The following MAML3 variants were observed in gnomAD, a reference collection of about 807,000 sequenced individuals.
The protein encoded by MAML3 is mastermind like transcriptional coactivator 3, also known as mastermind-like protein 3.
MAML3 carries 27 observed loss-of-function variants against 101.9 expected under a neutral mutation model. The ratio of observed to expected loss-of-function variants is 0.27; its 90% CI spans 0.20 to 0.37. The LOEUF (loss-of-function observed/expected upper bound fraction) is 0.37, where lower values mean the gene tolerates loss of function less well. Among genes scored for constraint, MAML3 ranks in the 10% least tolerant of loss-of-function variants. The probability of loss-of-function intolerance (pLI) is 1.00; values close to 1 mark genes in which losing one functional copy is unlikely to be tolerated. For synonymous variants in MAML3, 501 were observed against 555.9 expected (o/e 0.90, Z 1.39); for missense variants, 1,316 against 1,444.9 (o/e 0.91, Z 1.45).
chr4:139,864,844 T>C (rs578152150), intron 2 of MAML3, among the ~76,000 whole-genome samples: 10 of 150,942 alleles, frequency 6.6e-5, no homozygotes, highest in African/African-American at 2.4e-4. Flanking sequence ...GAATCTCAAA[T>C]TCTCTGACTA....
In MAML3 at chr4:140,075,386, G is replaced by C. The variant is rs112285988; in HGVS notation, c.468+77474C>G. ...AAAAAAACAAGTTAACAAAATGCAA[G>C]TCTCTTGTGCTCTTAACATCAAAAT... is the stretch of plus-strand genomic sequence containing the variant. On this transcript the variant is annotated intron_variant, in intron 1 of 4. Transcript: ENST00000509479. Among the ~76,000 whole-genome samples, 654 of 152,248 alleles carry C rather than the reference G, an allele frequency of 4.3e-3. 6 individuals are homozygous for C. The highest frequency in any genetic ancestry group is 0.015 in the African/African-American group (633 of 41,538).
Position 139,720,275 on chromosome 4 carries a change from C to G in MAML3, c.2465G>C (p.Ser822Thr). The change falls in exon 5 of 5, where the codon AGC becomes ACC. Residue 822 changes from serine to threonine, a missense_variant. Ser to Thr is a moderately conservative substitution (Grantham distance 58). Transcript: ENST00000509479. ...AAVRSQAALQ[S>T]MRTSRLMAQN... ...TGCCATCAGCCGTGACGTTCGCATG[C>G]TCTGGAGGGCTGCTTGGCTTCTTAC... 1 of 1,572,032 alleles carries G rather than the reference C, an allele frequency of 6.4e-7. No individual in the cohort carries two copies. Among genetic ancestry groups the G allele is most frequent in the Non-Finnish European group, 8.6e-7 (1 of 1,156,196 alleles).
intron 1 of MAML3, among the ~76,000 whole-genome samples, chr4:139,943,836 T>C (rs1457672760): frequency 6.7e-6 from 1 of 149,276 alleles, no homozygotes; most frequent in African/African-American, 2.5e-5. Flanking sequence ...TATGGTAACT[T>C]AAGGTTGGGT....
chr4:139,882,433 G>GA (rs968057388), intron 2 of MAML3, among the ~76,000 whole-genome samples: 33 of 146,234 alleles, frequency 2.3e-4, no homozygotes, highest in Middle Eastern at 3.4e-3. Flanking sequence ...TTATCAGAGT[G>GA]AAAAAAAAAC....
chr4:139,929,970 C>T lies in MAML3; in HGVS notation c.469-39003G>A, dbSNP rs577501349. The stretch of plus-strand genomic sequence containing the variant: ...TGCCCCAGAGGGGAATGGGTCCTCA[C>T]TGAGTACTCCTGCATCCACCTGCTT... On this transcript the variant is annotated intron_variant, in intron 1 of 4. Coordinates refer to ENST00000509479, the MANE Select transcript of MAML3 (RefSeq NM_018717.5). Among the ~76,000 whole-genome samples, 3 of 152,274 alleles carry T rather than the reference C, an allele frequency of 2.0e-5. No homozygotes were observed. The East Asian group carries it at 5.8e-4, about 29-fold the overall frequency.
intron 1 of MAML3, among the ~76,000 whole-genome samples, chr4:139,959,072 G>A (rs74734739): frequency 2.5e-4 from 38 of 152,264 alleles, no homozygotes; most frequent in Non-Finnish European, 4.1e-4. Flanking sequence ...ATCAAGGAGC[G>A]TGGTCTTTTG....
chr4:139,928,779 C>T (rs569960798), intron 1 of MAML3, among the ~76,000 whole-genome samples: 55 of 152,020 alleles, frequency 3.6e-4, no homozygotes, highest in African/African-American at 1.3e-3. Flanking sequence ...TCTGGTGGGC[C>T]GTTGAGAGCC....
intron 2 of MAML3, among the ~76,000 whole-genome samples, chr4:139,742,786 G>A (rs932528276): frequency 2.0e-5 from 3 of 152,112 alleles, no homozygotes; most frequent in Non-Finnish European, 4.4e-5. Context: ...CAGTATAATT[G>A]CCCTTGGGAA....
intron 2 of MAML3, among the ~76,000 whole-genome samples, chr4:139,809,148 T>C (rs1730749381): frequency 6.6e-6 from 1 of 152,246 alleles, no homozygotes; most frequent in Non-Finnish European, 1.5e-5. Flanking sequence ...AGCTTGGGAT[T>C]AAACTGACAG....
At chr4:139,734,984 G>T (rs954250518) in intron 2 of MAML3, among the ~76,000 whole-genome samples, 1 of 152,350 alleles carries the variant, frequency 6.6e-6, no homozygotes, top group East Asian at 1.9e-4. Flanking sequence ...GCAGATGGTG[G>T]TGTCAGCCCG....
intron 2 of MAML3, among the ~76,000 whole-genome samples, chr4:139,841,526 CG>C (rs1553959847): frequency 6.6e-6 from 1 of 152,226 alleles, no homozygotes; most frequent in Non-Finnish European, 1.5e-5. Flanking sequence ...GCTTCACTAT[CG>C]GCGCTGACGC....
chr4:139,826,927 TGA>T (rs1731071760), intron 2 of MAML3, among the ~76,000 whole-genome samples: 1 of 126,908 alleles, frequency 7.9e-6, no homozygotes, highest in African/African-American at 2.7e-5. Context: ...CCACTGCAAA[TGA>T]AATAAAATAA....
At chr4:139,934,079 A>C (rs1400231020) in intron 1 of MAML3, among the ~76,000 whole-genome samples, 4 of 152,002 alleles carry the variant, frequency 2.6e-5, no homozygotes, top group Non-Finnish European at 5.9e-5. Context: ...CAATGTGTGA[A>C]TATATGAATG....
rs192086473 is a variant in MAML3, at chr4:139,835,996, C to T, written c.2079+53361G>A. Among the ~76,000 whole-genome samples the T allele has an allele frequency of 3.3e-3, 499 of 152,274 alleles. 3 individuals are homozygous for T. Among genetic ancestry groups the T allele is most frequent in the Non-Finnish European group, 5.7e-3 (386 of 68,028 alleles). ...TGCCTGGTGAGGGGTCTGGGGACTGCACCACAGGGGGCCAATGGGACTGTG... is the reference window on the plus strand; with the variant it reads ...TGCCTGGTGAGGGGTCTGGGGACTGTACCACAGGGGGCCAATGGGACTGTG... On this transcript the variant is annotated intron_variant, in intron 2 of 4. Transcript: ENST00000509479.
chr4:139,845,288 A>T (rs1312524989), intron 2 of MAML3, among the ~76,000 whole-genome samples: 1 of 152,234 alleles, frequency 6.6e-6, no homozygotes, highest in Non-Finnish European at 1.5e-5. Flanking sequence ...TGCATTAGAC[A>T]GAGTACACAG....
chr4:140,076,431 A>G (rs146376259), intron 1 of MAML3, among the ~76,000 whole-genome samples: 1 of 150,632 alleles, frequency 6.6e-6, no homozygotes, highest in African/African-American at 2.4e-5. Flanking sequence ...ATAAGGTGTG[A>G]GCACGAAAAG....
At chr4:139,790,461 C>T (rs890002737) in intron 2 of MAML3, among the ~76,000 whole-genome samples, 3 of 151,478 alleles carry the variant, frequency 2.0e-5, no homozygotes, top group Non-Finnish European at 2.9e-5. Context: ...AGTATATTCA[C>T]GATGTTGCGC....
At chr4:140,117,235 G>C (rs188624250) in intron 1 of MAML3, among the ~76,000 whole-genome samples, 3 of 152,042 alleles carry the variant, frequency 2.0e-5, no homozygotes, top group Non-Finnish European at 4.4e-5. Context: ...GCAAATGTTT[G>C]GGGTTCCTAA....
intron 1 of MAML3, among the ~76,000 whole-genome samples, chr4:140,113,083 T>A (rs1728464394): frequency 6.6e-6 from 1 of 151,928 alleles, no homozygotes. Flanking sequence ...ATGGAGACCA[T>A]CTGGTTAACA....
Sources: allele counts gnomAD v4.1 joint callset (sites outside exome capture counted in the v4.1 genomes callset), GRCh38; gene constraint gnomAD v4.1.1; transcripts MANE v1.5; gene names NCBI Gene and HGNC (gene_info 2026-07-23, HGNC 2026-07-21).